PHF3: variants seen among roughly 807,000 people sequenced by gnomAD.
PHF3 encodes the protein PHD finger protein 3.
PHF3 carries 41 observed loss-of-function variants against 178.4 expected under a neutral mutation model. That is an observed-to-expected ratio of 0.23 (90% CI 0.18 to 0.30). The LOEUF is 0.30. PHF3 is among the 10% of genes least tolerant of loss of function. The pLI is 1.00. For synonymous variants in PHF3, 842 were observed against 800.5 expected (o/e 1.05, Z -0.88); for missense variants, 2,346 against 2,398.1 (o/e 0.98, Z 0.45).
At position 63,714,821 on chromosome 6, in the gene PHF3, G is replaced by A. The variant is rs1224215630; in HGVS notation, c.*1113G>A. The A allele has an allele frequency of 6.6e-6, 1 of 151,900 alleles. No homozygotes were observed. The highest frequency in any genetic ancestry group is 1.5e-5 in the Non-Finnish European group (1 of 67,938). 9.4% of individuals were successfully genotyped at this position (151,900 alleles called of 1,614,324 possible). A position where few individuals can be genotyped will look rare whatever the true frequency, so the allele number is the denominator to read the frequency against. ...TATGTTTTGAATCCTTTTATAAAAT[G>A]TGCGATTTAGCCTAATTCGTAAAGT... On this transcript the variant is annotated 3_prime_UTR_variant, in exon 16 of 16. Transcript: ENST00000262043.
chr6:63,692,538 C>T (rs1229344154), intron 5 of PHF3, among the ~76,000 whole-genome samples: 2 of 152,174 alleles, frequency 1.3e-5, no homozygotes, highest in African/African-American at 4.8e-5. Flanking sequence ...TTTCTTTCCT[C>T]ATTGTCTACC....
In PHF3 at chr6:63,684,782, A is replaced by G; in HGVS notation, c.1060A>G (p.Asn354Asp). Residue 354 changes from asparagine to aspartate, a missense_variant, in exon 4 of 16, where the codon AAT (asparagine) becomes GAT (aspartate). This residue lies in a region of PHF3 where 843 missense variants were observed against 795.2 expected (regional missense o/e 1.06). Transcript: ENST00000262043. The part of the protein sequence containing the change: ...ISSDAACTNP[N>D]KTENSLVGLP... ...TAGTGATGCTGCTTGTACAAATCCAAATAAGACAGAAAACAGCCTTGTAGG... is the reference window on the plus strand; with the variant it reads ...TAGTGATGCTGCTTGTACAAATCCAGATAAGACAGAAAACAGCCTTGTAGG... 4 of 1,614,082 alleles carry G rather than the reference A, an allele frequency of 2.5e-6. No homozygotes were observed. The highest frequency in any genetic ancestry group is 3.4e-6 in the Non-Finnish European group (4 of 1,179,938).
chr6:63,671,986 C>T (rs1435483972), intron 2 of PHF3, among the ~76,000 whole-genome samples: 1 of 152,050 alleles, frequency 6.6e-6, no homozygotes, highest in Non-Finnish European at 1.5e-5. Flanking sequence ...ATCTCATGAT[C>T]TGCGTGCCAC....
At position 63,694,777 on chromosome 6, in the gene PHF3, A is replaced by G; in HGVS notation, c.2680+13A>G. On this transcript the variant is annotated intron_variant, in intron 6 of 15. Transcript: ENST00000262043. ...GCTTCAAAACCAGGTAGTGAGATGA[A>G]CAGAAAAAATTATATACTAATATAT... is the stretch of plus-strand genomic sequence containing the variant. 7.1e-7 allele frequency: 1 copy of G among 1,414,254 alleles called. No homozygotes were observed. The highest frequency in any genetic ancestry group is 9.3e-7 in the Non-Finnish European group (1 of 1,073,472). 87.6% of individuals were successfully genotyped at this position (1,414,254 alleles called of 1,614,324 possible).
At position 63,636,064 on chromosome 6, in the gene PHF3, C is replaced by G. The variant is rs2149530269; in HGVS notation, c.-112C>G. Reference sequence around the variant, plus strand: ...CGTACCCCCTCTCCGCGGCACCCACCGGGCCCCCTCCTCCTCCTCTTCGGC... The same window carrying G: ...CGTACCCCCTCTCCGCGGCACCCACGGGGCCCCCTCCTCCTCCTCTTCGGC... On this transcript the variant is annotated 5_prime_UTR_variant, in exon 1 of 16. Coordinates refer to ENST00000262043, the MANE Select transcript of PHF3 (RefSeq NM_001370348.2). 2.5e-6 allele frequency: 1 copy of G among 393,360 alleles called. No individual in the cohort carries two copies. Among genetic ancestry groups the G allele is most frequent in the Admixed American group, 4.4e-5 (1 of 22,558 alleles). The allele number at this position is 393,360 out of a possible 1,614,324, so 24.4% of individuals were successfully genotyped here.
chr6:63,659,450 T>C (rs1342992218), intron 2 of PHF3, among the ~76,000 whole-genome samples: 1 of 152,150 alleles, frequency 6.6e-6, no homozygotes, highest in African/African-American at 2.4e-5. Flanking sequence ...AGCACCCAGC[T>C]CTTTTCTCTT....
intron 2 of PHF3, among the ~76,000 whole-genome samples, chr6:63,666,003 C>T (rs1048068213): frequency 3.3e-5 from 5 of 152,102 alleles, no homozygotes; most frequent in Non-Finnish European, 7.4e-5. Flanking sequence ...TAGTGGCAAT[C>T]TGATTAAATA....
In PHF3 at chr6:63,685,268, G is replaced by A. The variant is rs2149584191; in HGVS notation, c.1546G>A (p.Val516Ile). 6.2e-7 allele frequency: 1 copy of A among 1,613,994 alleles called. No homozygotes were observed. Among genetic ancestry groups the A allele is most frequent in the Non-Finnish European group, 8.5e-7 (1 of 1,179,968 alleles). ...PKKIVAAKYE[V>I]IHSKTKVNVK... The stretch of plus-strand genomic sequence containing the variant: ...GAAAATTGTTGCAGCAAAGTATGAA[G>A]TAATACATAGCAAAACTAAAGTTAA... Residue 516 changes from valine (V) to isoleucine (I), a missense_variant, in exon 4 of 16, where the codon GTA (valine) becomes ATA (isoleucine). Physicochemically the swap from Val to Ile is conservative, Grantham distance 29. Coordinates refer to ENST00000262043, the MANE Select transcript of PHF3 (RefSeq NM_001370348.2).
chr6:63,662,305 A>G (rs753566483), intron 2 of PHF3, among the ~76,000 whole-genome samples: 3 of 152,324 alleles, frequency 2.0e-5, no homozygotes, highest in East Asian at 1.9e-4. Context: ...AGACAGGAGA[A>G]GCTCCACAGC....
At chr6:63,665,491 T>TTG (rs1272726161) in intron 2 of PHF3, among the ~76,000 whole-genome samples, 2 of 145,274 alleles carry the variant, frequency 1.4e-5, no homozygotes, top group South Asian at 2.2e-4. Flanking sequence ...TTTTTGTTTT[T>TTG]TTTTTTTTTT....
chr6:63,652,423 T>C (rs923696769), intron 2 of PHF3, among the ~76,000 whole-genome samples: 2 of 152,182 alleles, frequency 1.3e-5, no homozygotes, highest in Non-Finnish European at 2.9e-5. Context: ...GAGTTCCTTA[T>C]ATATTCTGGA....
In PHF3 at chr6:63,722,613, C is replaced by A. The variant is rs1002060187; in HGVS notation, c.*8905C>A. 5.3e-5 allele frequency among the ~76,000 whole-genome samples: 8 copies of A among 152,192 alleles called. No homozygotes were observed. Among genetic ancestry groups the A allele is most frequent in the African/African-American group, 1.9e-4 (8 of 41,454 alleles). On this transcript the variant is annotated 3_prime_UTR_variant, in exon 16 of 16. Transcript: ENST00000262043. ...TTGCTTGAAGAGGATAGCAAAATGA[C>A]TTATTAATAATGAACCACGCAGAAG...
intron 2 of PHF3, among the ~76,000 whole-genome samples, chr6:63,648,865 G>A (rs1399178521): frequency 1.3e-5 from 2 of 151,938 alleles, no homozygotes; most frequent in East Asian, 3.9e-4. Context: ...GAAATATGTG[G>A]GGGAAACTTA....
At position 63,712,918 on chromosome 6, in the gene PHF3, C is replaced by A; in HGVS notation, c.5330C>A (p.Ser1777Tyr). Residue 1777 changes from serine (S) to tyrosine (Y), a missense_variant, in exon 16 of 16, where the codon TCT (serine) becomes TAT (tyrosine). Physicochemically the swap from Ser to Tyr is moderately radical, Grantham distance 144. Around this residue, in one of 8 missense-constraint regions of PHF3, gnomAD observed 839 missense variants for 806.9 expected, o/e 1.04. Transcript: ENST00000262043. ...AACACATGTCCATCAGAATTTCCTTCTAAAAGCATCACCTTTACTTCCAGA... is the reference window on the plus strand; with the variant it reads ...AACACATGTCCATCAGAATTTCCTTATAAAAGCATCACCTTTACTTCCAGA... ...VGNTCPSEFP[S>Y]KSITFTSRST... 6.2e-7 allele frequency: 1 copy of A among 1,614,034 alleles called. No individual in the cohort carries two copies. Among genetic ancestry groups the A allele is most frequent in the Non-Finnish European group, 8.5e-7 (1 of 1,179,948 alleles).
Position 63,680,127 on chromosome 6 carries a change from A to C in PHF3, c.372A>C (p.Arg124Ser). ...ACAAGGTAGAAGAAAATTCAGTGAG[A>C]TCTCCAAGAAAATCACCTCGTTTAA... ...LRDKVEENSV[R>S]SPRKSPRLMA... Residue 124 changes from arginine to serine, a missense_variant, in exon 3 of 16, where the codon AGA becomes AGC. Arg to Ser is a moderately radical substitution (Grantham distance 110, BLOSUM62 -1). Around this residue, in one of 8 missense-constraint regions of PHF3, gnomAD observed 843 missense variants for 795.2 expected, o/e 1.06. Coordinates refer to ENST00000262043, the MANE Select transcript of PHF3 (RefSeq NM_001370348.2). The C allele has an allele frequency of 6.2e-7, 1 of 1,609,638 alleles. No individual in the cohort carries two copies. Among genetic ancestry groups the C allele is most frequent in the Non-Finnish European group, 8.5e-7 (1 of 1,178,400 alleles).
rs1426186334 is a variant in PHF3, at chr6:63,711,302, C to G, written c.3937C>G (p.Leu1313Val). Residue 1313 changes from leucine to valine, a missense_variant, in exon 15 of 16, where the codon CTT becomes GTT. Leu to Val is a conservative substitution (Grantham distance 32). Coordinates refer to ENST00000262043, the MANE Select transcript of PHF3 (RefSeq NM_001370348.2). ...CATGAAGCAGGTTAAAGATATGTAC[C>G]TTATTCCTTTGGGTGCCACAGATAA... The part of the protein sequence containing the change: ...NNMKQVKDMY[L>V]IPLGATDKIP... 1.9e-6 allele frequency: 3 copies of G among 1,613,444 alleles called. No individual in the cohort carries two copies. Among genetic ancestry groups the G allele is most frequent in the Non-Finnish European group, 2.5e-6 (3 of 1,179,718 alleles).
intron 2 of PHF3, among the ~76,000 whole-genome samples, chr6:63,667,638 C>T (rs1412865): frequency 0.29 from 43,352 of 151,882 alleles, 6,423 homozygotes; most frequent in Admixed American, 0.36. Context: ...TATTTTCACC[C>T]GGTTTGTTCA....
At chr6:63,645,540 G>T (rs1159161212) in intron 1 of PHF3, among the ~76,000 whole-genome samples, 1 of 152,056 alleles carries the variant, frequency 6.6e-6, no homozygotes, top group Non-Finnish European at 1.5e-5. Context: ...GTTAAATTTG[G>T]AGCTAATCTC....
intron 2 of PHF3, among the ~76,000 whole-genome samples, chr6:63,662,042 T>G (rs1490456766): frequency 1.3e-5 from 2 of 152,110 alleles, no homozygotes; most frequent in Non-Finnish European, 2.9e-5. Context: ...GGCATTAGAT[T>G]TTCATAGGAG....
Sources: gnomAD v4.1 joint callset for allele counts (sites outside exome capture counted in the v4.1 genomes callset) on GRCh38, gnomAD v4.1.1 for gene constraint, gnomAD v4.1.1 regional missense constraint, MANE v1.5 for transcripts, NCBI Gene and HGNC (gene_info 2026-07-23, HGNC 2026-07-21) for gene names.